The following DPP6 variants were observed in gnomAD, a reference collection of about 807,000 sequenced individuals.
The protein encoded by DPP6 is dipeptidyl peptidase like 6.
A neutral mutation model predicts 122.6 loss-of-function variants in DPP6; 69 were observed. The ratio of observed to expected loss-of-function variants is 0.56; its 90% CI spans 0.46 to 0.69. The LOEUF is 0.69. Ranked by LOEUF, DPP6 falls within the 30% of genes least tolerant of loss-of-function variation. DPP6 has a pLI of 0.00. For missense variants in DPP6, 928 were observed against 1,116.9 expected, an observed-to-expected ratio of 0.83 and a Z score of 2.41; for synonymous variants, 418 against 433.1, an observed-to-expected ratio of 0.97 and a Z score of 0.43.
the DPP6 span, among the ~76,000 whole-genome samples, chr7:153,833,021 T>A: frequency 6.6e-6 from 1 of 152,210 alleles, no homozygotes; most frequent in Non-Finnish European, 1.5e-5. Context: ...TGCATATCAT[T>A]TTCCTTTGCC....
chr7:154,727,667 G>T (rs954550335), intron 7 of DPP6, 100 bp from the exon 8 acceptor site: 4 of 1,443,952 alleles, frequency 2.8e-6, no homozygotes, highest in Non-Finnish European at 3.7e-6. Flanking sequence ...AATACAACAG[G>T]AAAATGAAAA....
chr7:154,668,462 G>A (rs1239768586), intron 6 of DPP6, among the ~76,000 whole-genome samples: 1 of 151,112 alleles, frequency 6.6e-6, no homozygotes, highest in Non-Finnish European at 1.5e-5. Flanking sequence ...CCTCGTGATC[G>A]ACCGCCTCAG....
At chr7:154,393,818 A>G (rs1046234697) in intron 1 of DPP6, among the ~76,000 whole-genome samples, 5 of 151,992 alleles carry the variant, frequency 3.3e-5, no homozygotes, top group Non-Finnish European at 7.4e-5. Flanking sequence ...CCCTCCCCCA[A>G]TCGCTAGCAA....
Position 154,129,024 on chromosome 7 carries a change from A to G in DPP6, c.243+75961A>G, listed in dbSNP as rs576659752. Among the ~76,000 whole-genome samples, 9 of 152,244 alleles carry G rather than the reference A, an allele frequency of 5.9e-5. No individual in the cohort carries two copies. In the South Asian group the frequency reaches 1.9e-3, roughly 32 times the overall value. On this transcript the variant is annotated intron_variant, in intron 1 of 25. Coordinates refer to ENST00000377770, the MANE Select transcript of DPP6 (RefSeq NM_130797.4). ...TTCTCTACCTTGTTGAGGACATAAC[A>G]TCTCCATCAGAGATTCTTACAAACC...
At chr7:153,864,726 C>G in the DPP6 span, among the ~76,000 whole-genome samples, 1 of 147,616 alleles carries the variant, frequency 6.8e-6, no homozygotes, top group Non-Finnish European at 1.5e-5. Context: ...CACACACGTG[C>G]TTGGGGAACT....
chr7:153,892,647 G>GGTATCAGAT (rs1375699860), intron 1 of DPP6, among the ~76,000 whole-genome samples: 47 of 152,304 alleles, frequency 3.1e-4, no homozygotes, highest in African/African-American at 1.1e-3. Context: ...TTCTAGGAGT[G>GGTATCAGAT]TGGCCTTCAG....
intron 3 of DPP6, among the ~76,000 whole-genome samples, chr7:154,538,267 A>G (rs1828429205): frequency 6.6e-6 from 1 of 152,150 alleles, no homozygotes; most frequent in Non-Finnish European, 1.5e-5. Flanking sequence ...TCCGGGATAC[A>G]TGTGCAGGAT....
At chr7:153,993,147 C>T (rs2129043038) in intron 1 of DPP6, among the ~76,000 whole-genome samples, 1 of 152,324 alleles carries the variant, frequency 6.6e-6, no homozygotes. Context: ...GTTTAGACTT[C>T]ACTAAAATGT....
upstream of DPP6, among the ~76,000 whole-genome samples, chr7:153,883,017 A>C (rs142837598): frequency 1.4e-3 from 216 of 152,346 alleles, 2 homozygotes; most frequent in African/African-American, 4.6e-3. Context: ...ACAAACAAAC[A>C]AAAACAGGAA....
At chr7:154,127,670 C>CACAT (rs1563226145) in intron 1 of DPP6, among the ~76,000 whole-genome samples, 1 of 137,458 alleles carries the variant, frequency 7.3e-6, no homozygotes, top group African/African-American at 2.6e-5. Context: ...CACACACACA[C>CACAT]ACACACAAAA....
At chr7:154,205,787 AATT>A (rs1563316011) in intron 1 of DPP6, among the ~76,000 whole-genome samples, 2,040 of 144,924 alleles carry the variant, frequency 0.014, 36 homozygotes, top group African/African-American at 0.051. Context: ...AAAAAAAATT[AATT>A]AATTAATTAA....
intron 1 of DPP6, among the ~76,000 whole-genome samples, chr7:153,895,021 G>A (rs1799348572): frequency 6.6e-6 from 1 of 152,084 alleles, no homozygotes; most frequent in African/African-American, 2.4e-5. Context: ...ATAGTCACCA[G>A]GGAAAAGATG....
At chr7:153,956,154 C>T (rs563249353) in intron 1 of DPP6, among the ~76,000 whole-genome samples, 36 of 152,224 alleles carry the variant, frequency 2.4e-4, no homozygotes, top group Admixed American at 2.0e-3. Context: ...GTGAAGTTGA[C>T]GAACACTTCG....
intron 13 of DPP6, 124 bp downstream of exon 13, chr7:154,801,586 C>T (rs1482663802): frequency 2.9e-6 from 4 of 1,364,742 alleles, no homozygotes; most frequent in South Asian, 1.5e-5. Context: ...AGGTGGTTCC[C>T]GAAGGCAGGG....
chr7:154,792,926 T>C (rs1028379677), intron 10 of DPP6, among the ~76,000 whole-genome samples: 1 of 152,182 alleles, frequency 6.6e-6, no homozygotes, highest in Non-Finnish European at 1.5e-5. Flanking sequence ...CCGCTGTTCC[T>C]TCTGTTTGCC....
intron 10 of DPP6, among the ~76,000 whole-genome samples, chr7:154,785,804 C>T (rs1487710602): frequency 1.3e-5 from 2 of 152,204 alleles, no homozygotes; most frequent in African/African-American, 4.8e-5. Context: ...CATGATAGAG[C>T]TAAGGAGTGC....
intron 1 of DPP6, among the ~76,000 whole-genome samples, chr7:154,040,305 A>ATT: frequency 6.9e-6 from 1 of 145,974 alleles, no homozygotes; most frequent in African/African-American, 2.8e-5. Flanking sequence ...AGCTGTAAGA[A>ATT]GTGTTTTTTT....
chr7:154,343,624 T>A (rs1287586483), intron 1 of DPP6, among the ~76,000 whole-genome samples: 1 of 152,228 alleles, frequency 6.6e-6, no homozygotes, highest in Non-Finnish European at 1.5e-5. Context: ...TCTGTCACCC[T>A]GGCTGGAGTG....
intron 16 of DPP6, among the ~76,000 whole-genome samples, chr7:154,827,636 G>T (rs112444096): frequency 6.6e-6 from 1 of 151,010 alleles, no homozygotes; most frequent in African/African-American, 2.4e-5. Context: ...GTGAGGAGGG[G>T]GTGTCTCCCA....
Sources: gnomAD v4.1 joint callset for allele counts (sites outside exome capture counted in the v4.1 genomes callset) on GRCh38, gnomAD v4.1.1 for gene constraint, MANE v1.5 for transcripts, NCBI Gene and HGNC (gene_info 2026-07-23, HGNC 2026-07-21) for gene names.